The following ADGRD1 variants were observed in gnomAD, a reference collection of about 807,000 sequenced individuals.
ADGRD1 encodes adhesion G protein-coupled receptor D1.
ADGRD1 carries 77 observed loss-of-function variants against 113.4 expected under a neutral mutation model. The ratio of observed to expected loss-of-function variants is 0.68; its 90% CI spans 0.57 to 0.82. The LOEUF is 0.82. Ranked by LOEUF, ADGRD1 falls within the 40% of genes least tolerant of loss-of-function variation. The pLI is 0.00. For missense variants in ADGRD1, 1,036 were observed against 1,139.1 expected (o/e 0.91, Z 1.30); for synonymous variants, 474 against 475.0 (o/e 1.00, Z 0.03).
intron 15 of ADGRD1, among the ~76,000 whole-genome samples, chr12:131,097,854 G>T (rs1395745726): frequency 6.6e-6 from 1 of 152,220 alleles, no homozygotes; most frequent in Non-Finnish European, 1.5e-5. Context: ...TCCTGCTCTT[G>T]TGCCCGGGAG....
At position 131,041,259 on chromosome 12, in the gene ADGRD1, T is replaced by C. The variant is rs991308356; in HGVS notation, c.1473+26919T>C. Among the ~76,000 whole-genome samples, 9 of 152,080 alleles carry C rather than the reference T, an allele frequency of 5.9e-5. No individual in the cohort carries two copies. Among genetic ancestry groups the C allele is most frequent in the Non-Finnish European group, 1.2e-4 (8 of 68,008 alleles). ...TCCAGGGCCTGGTTCTTGGATGATC[T>C]TGTGGAGCCGGAGGGTGTGGGTGGG... On this transcript the variant is annotated intron_variant, in intron 13 of 24. Transcript: ENST00000261654. This position sits in a 1 kb window ranked among gnomAD's most constrained non-coding sequence, Gnocchi z 4.4.
intron 20 of ADGRD1, among the ~76,000 whole-genome samples, chr12:131,131,448 C>T (rs1950925345): frequency 6.6e-6 from 1 of 152,234 alleles, no homozygotes. Flanking sequence ...TGAGGTCTGG[C>T]CCAGGCTCAT....
chr12:131,137,068 G>C, intron 23 of ADGRD1, 54 bp downstream of exon 23: 1 of 1,428,982 alleles, frequency 7.0e-7, no homozygotes. Flanking sequence ...TTTCCTTTCC[G>C]AAAGGTCACA....
chr12:131,078,492 G>A (rs1203878213), intron 14 of ADGRD1, among the ~76,000 whole-genome samples: 1 of 152,192 alleles, frequency 6.6e-6, no homozygotes, highest in Non-Finnish European at 1.5e-5. Context: ...GGAAGCATGT[G>A]CTCCTAGAAA....
chr12:130,994,132 G>C, intron 8 of ADGRD1: 1 of 338,482 alleles, frequency 3.0e-6, no homozygotes, highest in Non-Finnish European at 6.2e-6. Context: ...TGCCCAGTGT[G>C]GGAGCGCTTC....
chr12:131,026,758 C>T (rs992382797), intron 13 of ADGRD1: 2 of 152,176 alleles, frequency 1.3e-5, no homozygotes, highest in East Asian at 1.9e-4. Flanking sequence ...CAACTAGATA[C>T]GTCTCTAGGC....
At chr12:131,051,151 G>A (rs546662196) in intron 13 of ADGRD1, among the ~76,000 whole-genome samples, 8 of 152,312 alleles carry the variant, frequency 5.3e-5, no homozygotes, top group East Asian at 1.9e-4. Context: ...TGCCTCAGAC[G>A]GGCACTGTCC....
intron 14 of ADGRD1, among the ~76,000 whole-genome samples, chr12:131,082,257 C>T (rs1216237439): frequency 2.6e-5 from 4 of 152,110 alleles, no homozygotes; most frequent in African/African-American, 9.7e-5. Flanking sequence ...GAACATTTTT[C>T]TGTTTAGATG....
At position 130,999,098 on chromosome 12, in the gene ADGRD1, T is replaced by C. The variant is rs549233208; in HGVS notation, c.967-1285T>C. Among the ~76,000 whole-genome samples, 6 of 152,344 alleles carry C rather than the reference T, an allele frequency of 3.9e-5. No individual in the cohort carries two copies. The South Asian group carries it at 1.0e-3, about 26-fold the overall frequency. On this transcript the variant is annotated intron_variant, in intron 8 of 24. Transcript: ENST00000261654. ...TAAAAATGTGCTTGCTGCTAGAAAA[T>C]TTAAAATGATAGATGTGGCCCATAT...
intron 18 of ADGRD1, among the ~76,000 whole-genome samples, chr12:131,117,850 C>G (rs886734718): frequency 4.3e-4 from 65 of 152,386 alleles, no homozygotes; most frequent in African/African-American, 1.4e-3. Flanking sequence ...CACCGCCGCT[C>G]TAGAACAGGG....
In ADGRD1 at chr12:131,089,127, G is replaced by T. The variant is rs568268925; in HGVS notation, c.1671+4464G>T. ...GCAACTGTTACCAAATCTGAGGATGGATAGTCCGGCCCCACATGTGTGCTC... is the reference window on the plus strand; with the variant it reads ...GCAACTGTTACCAAATCTGAGGATGTATAGTCCGGCCCCACATGTGTGCTC... On this transcript the variant is annotated intron_variant, in intron 15 of 24. Transcript: ENST00000261654. Among the ~76,000 whole-genome samples the T allele has an allele frequency of 2.0e-5, 3 of 152,366 alleles. No individual in the cohort carries two copies. In the South Asian group the frequency reaches 6.2e-4, roughly 32 times the overall value.
chr12:130,980,183 C>A (rs1332257918), intron 4 of ADGRD1, among the ~76,000 whole-genome samples: 9 of 152,112 alleles, frequency 5.9e-5, no homozygotes, highest in Non-Finnish European at 1.2e-4. Context: ...CGGCTCACTG[C>A]AAGCTCTGCC....
At chr12:131,091,372 AATG>A (rs1886895971) in intron 15 of ADGRD1, among the ~76,000 whole-genome samples, 1 of 152,204 alleles carries the variant, frequency 6.6e-6, no homozygotes, top group African/African-American at 2.4e-5. Context: ...ACATAACACT[AATG>A]ATTGTGTAAA....
chr12:130,964,912 A>G (rs1870841640), intron 2 of ADGRD1, among the ~76,000 whole-genome samples: 1 of 152,104 alleles, frequency 6.6e-6, no homozygotes, highest in Admixed American at 6.6e-5. Flanking sequence ...TATTTTTTAT[A>G]TAAACTCCAT....
intron 13 of ADGRD1, among the ~76,000 whole-genome samples, chr12:131,016,612 A>G (rs1227929790): frequency 1.3e-5 from 2 of 152,224 alleles, no homozygotes; most frequent in African/African-American, 4.8e-5. Context: ...AAGAGTCTGT[A>G]GCTGGGCGCA....
intron 13 of ADGRD1, among the ~76,000 whole-genome samples, chr12:131,021,305 C>T (rs1195904): frequency 0.4 from 60,183 of 151,934 alleles, 12,454 homozygotes; most frequent in Admixed American, 0.51. Context: ...GCACAGAGCG[C>T]TTAGTTGTCA....
intron 2 of ADGRD1, chr12:130,962,242 A>T (rs1239219435): frequency 6.6e-6 from 1 of 152,244 alleles, no homozygotes; most frequent in Non-Finnish European, 1.5e-5. Context: ...GTGTGGAGAG[A>T]AGGCAGTGTT....
intron 15 of ADGRD1, among the ~76,000 whole-genome samples, chr12:131,101,635 G>T (rs190630776): frequency 1.1e-4 from 16 of 151,836 alleles, no homozygotes; most frequent in Non-Finnish European, 2.1e-4. Context: ...TGATCTGCCC[G>T]CCTCGGCCTC....
intron 19 of ADGRD1, among the ~76,000 whole-genome samples, chr12:131,118,853 C>T (rs1043003796): frequency 3.9e-5 from 6 of 152,200 alleles, no homozygotes; most frequent in African/African-American, 1.4e-4. Flanking sequence ...CAGTAACTCA[C>T]AGGGAGCAGA....
Sources: allele counts gnomAD v4.1 joint callset (sites outside exome capture counted in the v4.1 genomes callset), GRCh38; gene constraint gnomAD v4.1.1; non-coding constraint Gnocchi (gnomAD v3.1); transcripts MANE v1.5; gene names NCBI Gene and HGNC (gene_info 2026-07-23, HGNC 2026-07-21).